Variants in OPCML observed in about 807,000 individuals in gnomAD.
OPCML encodes opioid-binding protein/cell adhesion molecule.
A neutral mutation model predicts 37.8 loss-of-function variants in OPCML; 13 were observed. The observed-to-expected ratio is 0.34, with a 90% CI of 0.22 to 0.55. The LOEUF (loss-of-function observed/expected upper bound fraction) is 0.55. OPCML is among the 20% of genes least tolerant of loss of function. The probability of loss-of-function intolerance (pLI) is 0.91; values close to 1 mark genes in which losing one functional copy is unlikely to be tolerated. For missense variants in OPCML, 341 were observed against 435.6 expected, an observed-to-expected ratio of 0.78 and a Z score of 1.93; for synonymous variants, 176 against 168.8, an observed-to-expected ratio of 1.04 and a Z score of -0.33.
intron 2 of OPCML, among the ~76,000 whole-genome samples, chr11:132,682,414 A>ACT (rs1942988192): frequency 6.6e-6 from 1 of 152,166 alleles, no homozygotes; most frequent in Admixed American, 6.5e-5. Context: ...TTTTAAAAAA[A>ACT]CTCTTTTCCT....
intron 1 of OPCML, among the ~76,000 whole-genome samples, chr11:133,478,460 T>C (rs76536506): frequency 0.043 from 4,934 of 114,034 alleles, 105 homozygotes; most frequent in South Asian, 0.14. Flanking sequence ...GTAGATCGTG[T>C]CATAGTTTGT....
intron 1 of OPCML, among the ~76,000 whole-genome samples, chr11:133,458,169 TAC>T (rs1232199186): frequency 2.0e-5 from 3 of 147,562 alleles, no homozygotes; most frequent in African/African-American, 7.7e-5. Context: ...TATATACATA[TAC>T]ATATATGTGT....
At chr11:133,416,756 G>T (rs776543682) in intron 1 of OPCML, among the ~76,000 whole-genome samples, 2 of 152,056 alleles carry the variant, frequency 1.3e-5, no homozygotes, top group African/African-American at 2.4e-5. Flanking sequence ...AAAACCCTTG[G>T]ATTATCCTGA....
intron 3 of OPCML, among the ~76,000 whole-genome samples, chr11:132,656,687 G>A (rs980592721): frequency 2.6e-5 from 4 of 152,166 alleles, no homozygotes; most frequent in African/African-American, 4.8e-5. Flanking sequence ...GTCATGTCAC[G>A]TAGTTTCTCA....
intron 2 of OPCML, among the ~76,000 whole-genome samples, chr11:132,665,769 A>T (rs1040873576): frequency 1.3e-5 from 2 of 152,176 alleles, no homozygotes; most frequent in African/African-American, 4.8e-5. Flanking sequence ...TCACATTACT[A>T]GTTTCCCAAG....
At chr11:133,011,507 T>G (rs1947213420) in intron 1 of OPCML, among the ~76,000 whole-genome samples, 1 of 152,194 alleles carries the variant, frequency 6.6e-6, no homozygotes, top group African/African-American at 2.4e-5. Flanking sequence ...GTTGACATGC[T>G]ATAAAACTCC....
chr11:133,505,051 G>A (rs1435139375), intron 1 of OPCML, among the ~76,000 whole-genome samples: 1 of 152,210 alleles, frequency 6.6e-6, no homozygotes, highest in African/African-American at 2.4e-5. Flanking sequence ...GCCATGCAGA[G>A]GTCAGCACTG....
chr11:133,345,867 T>C lies in OPCML; in HGVS notation c.61+186397A>G, dbSNP rs182880320. Among the ~76,000 whole-genome samples the C allele has an allele frequency of 1.3e-3, 204 of 152,306 alleles. 6 individuals carry two copies. In the Middle Eastern group the frequency reaches 0.014, roughly 10 times the overall value. On this transcript the variant is annotated intron_variant, in intron 1 of 7. Transcript: ENST00000524381. ...CTGTCTGATACACTTCAATTCTCAA[T>C]ATTCCTCTTAAGGTGTGGTGGCTGC...
intron 2 of OPCML, among the ~76,000 whole-genome samples, chr11:132,831,408 C>G (rs1012877298): frequency 6.6e-6 from 1 of 152,120 alleles, no homozygotes; most frequent in African/African-American, 2.4e-5. Flanking sequence ...ATGAGGCACC[C>G]CCACCATAGC....
chr11:132,639,314 G>T (rs997528023), intron 3 of OPCML, among the ~76,000 whole-genome samples: 2 of 152,190 alleles, frequency 1.3e-5, no homozygotes, highest in Admixed American at 6.5e-5. Context: ...CTTGCCAGAG[G>T]CATGCTCTCA....
intron 4 of OPCML, among the ~76,000 whole-genome samples, chr11:132,454,398 G>A (rs752489162): frequency 1.3e-5 from 2 of 152,288 alleles, no homozygotes; most frequent in South Asian, 4.1e-4. Flanking sequence ...GGTGAGGACC[G>A]ATGCTCAGTG....
At chr11:133,251,328 G>T (rs1941126072) in intron 1 of OPCML, among the ~76,000 whole-genome samples, 1 of 152,054 alleles carries the variant, frequency 6.6e-6, no homozygotes, top group African/African-American at 2.4e-5. Flanking sequence ...AGTAGCCTTA[G>T]TGCCCCAAGC....
rs140307197 is a variant in OPCML at position 133,000,797 on chromosome 11, A to G, written c.62-57787T>C. ...ATTTCATGTTGAAAGGTAATCCCCA[A>G]TGTTGGAGGTGGGGCCTGGTGGGAG... On this transcript the variant is annotated intron_variant, in intron 1 of 7. Transcript: ENST00000524381. 8.6e-3 allele frequency among the ~76,000 whole-genome samples: 1,315 copies of G among 152,284 alleles called. 19 individuals carry two copies. Among genetic ancestry groups the G allele is most frequent in the African/African-American group, 0.03 (1,261 of 41,542 alleles).
chr11:132,657,532 CT>C, intron 2 of OPCML: 3 of 598,816 alleles, frequency 5.0e-6, no homozygotes, highest in Non-Finnish European at 6.3e-6. Flanking sequence ...AAAATCATTT[CT>C]ATTTGACTTC....
At chr11:132,529,659 C>G (rs998890798) in intron 3 of OPCML, among the ~76,000 whole-genome samples, 3 of 152,144 alleles carry the variant, frequency 2.0e-5, no homozygotes, top group Admixed American at 6.5e-5. Flanking sequence ...TATCCCAGAC[C>G]CTTTTAAAAT....
chr11:132,857,806 G>C (rs80341740), intron 2 of OPCML, among the ~76,000 whole-genome samples: 1 of 152,234 alleles, frequency 6.6e-6, no homozygotes, highest in African/African-American at 2.4e-5. Flanking sequence ...GTCAGTTTTA[G>C]TTTGTCATGT....
chr11:132,665,117 C>T (rs756220239), intron 2 of OPCML, among the ~76,000 whole-genome samples: 1 of 152,028 alleles, frequency 6.6e-6, no homozygotes, highest in Non-Finnish European at 1.5e-5. Context: ...GTGTGTGGAG[C>T]GGGAGGGGAG....
chr11:133,462,123 A>G (rs1272039946), intron 1 of OPCML, among the ~76,000 whole-genome samples: 1 of 152,030 alleles, frequency 6.6e-6, no homozygotes, highest in Non-Finnish European at 1.5e-5. Context: ...TACAAAAATG[A>G]ACTCTCCCAG....
chr11:133,335,263 G>A (rs1215331979), intron 1 of OPCML, among the ~76,000 whole-genome samples: 1 of 152,230 alleles, frequency 6.6e-6, no homozygotes, highest in Non-Finnish European at 1.5e-5. Flanking sequence ...CAGGCTGAAA[G>A]GCTGTGATTT....
Sources: allele counts gnomAD v4.1 joint callset (sites outside exome capture counted in the v4.1 genomes callset), GRCh38; gene constraint gnomAD v4.1.1; transcripts MANE v1.5; gene names NCBI Gene and HGNC (gene_info 2026-07-23, HGNC 2026-07-21).